TAB2: variants seen among roughly 807,000 people sequenced by gnomAD.
TAB2 encodes TGF-beta-activated kinase 1 and MAP3K7-binding protein 2.
In TAB2, 3 loss-of-function variants were observed where a neutral mutation model predicts 65.0. The observed-to-expected ratio is 0.05, with a 90% confidence interval of 0.02 to 0.12. TAB2 has a LOEUF of 0.12. Ranked by LOEUF, TAB2 falls within the 10% of genes least tolerant of loss-of-function variation. The pLI is 1.00. For missense variants in TAB2, 623 were observed against 840.3 expected (o/e 0.74, Z 3.20); for synonymous variants, 298 against 285.1 (o/e 1.05, Z -0.46).
At chr6:149,396,577 G>C (rs1040021638) in intron 3 of TAB2, among the ~76,000 whole-genome samples, 10 of 152,178 alleles carry the variant, frequency 6.6e-5, no homozygotes, top group Non-Finnish European at 1.0e-4. Context: ...TTTATAAAAA[G>C]TAGATTCAAG....
intron 1 of TAB2, among the ~76,000 whole-genome samples, chr6:149,309,755 A>C (rs1443827970): frequency 1.3e-5 from 2 of 152,032 alleles, no homozygotes; most frequent in African/African-American, 4.8e-5. Context: ...TGATTTCATT[A>C]ATTTTGATAT....
Position 149,331,749 on chromosome 6 carries a change from A to G in TAB2, c.-90+13734A>G, listed in dbSNP as rs116392239. ...TGTTTTTATCATGAGTAGGTCTTCA[A>G]TTTTGTCAAATGCTTTTTTCTACAT... On this transcript the variant is annotated intron_variant, in intron 1 of 6. Transcript: ENST00000637181. Among the ~76,000 whole-genome samples the G allele has an allele frequency of 7.1e-3, 1,087 of 152,248 alleles. 9 individuals carry two copies. Among genetic ancestry groups the G allele is most frequent in the African/African-American group, 0.024 (1,009 of 41,550 alleles).
intron 1 of TAB2, among the ~76,000 whole-genome samples, chr6:149,319,139 A>G (rs954463436): frequency 6.6e-6 from 1 of 152,216 alleles, no homozygotes; most frequent in Non-Finnish European, 1.5e-5. Context: ...TTCACATTTT[A>G]GAAAAGGAAT....
chr6:149,377,196 G>A lies in TAB2; in HGVS notation c.103-822G>A, dbSNP rs373093370. Among the ~76,000 whole-genome samples, 49 of 150,720 alleles carry A rather than the reference G, an allele frequency of 3.3e-4. 1 individual carries two copies. Among genetic ancestry groups the A allele is most frequent in the Admixed American group, 2.4e-3 (36 of 15,108 alleles). ...GCCATTCTCCTGCCTCAGCCTCTCC[G>A]AGTAGCTGGGACTACAGGCGCCCGC... is the stretch of plus-strand genomic sequence containing the variant. On this transcript the variant is annotated intron_variant, in intron 2 of 6. Transcript: ENST00000637181.
At chr6:149,357,402 G>A (rs1196168204) in intron 1 of TAB2, among the ~76,000 whole-genome samples, 1 of 102,250 alleles carries the variant, frequency 9.8e-6, no homozygotes, top group Non-Finnish European at 2.0e-5. Context: ...GGCAATAGAG[G>A]GAGACTCCGT....
intron 1 of TAB2, among the ~76,000 whole-genome samples, chr6:149,283,541 C>G (rs2114687664): frequency 6.6e-6 from 1 of 152,128 alleles, no homozygotes; most frequent in African/African-American, 2.4e-5. Flanking sequence ...GAAACCCCGT[C>G]TCTACTAAAA....
At chr6:149,275,849 T>G (rs1232021787) in intron 1 of TAB2, among the ~76,000 whole-genome samples, 1 of 152,184 alleles carries the variant, frequency 6.6e-6, no homozygotes, top group East Asian at 1.9e-4. Flanking sequence ...CAGTGGGACG[T>G]TTCCAAAATA....
chr6:149,328,458 A>G (rs538069150), intron 1 of TAB2, among the ~76,000 whole-genome samples: 2 of 152,234 alleles, frequency 1.3e-5, no homozygotes, highest in East Asian at 1.9e-4. Context: ...ACGCCTGGCT[A>G]ATTTTTTGTG....
chr6:149,253,507 T>C (rs1336837207), intron 1 of TAB2, among the ~76,000 whole-genome samples: 1 of 150,392 alleles, frequency 6.6e-6, no homozygotes, highest in Non-Finnish European at 1.5e-5. Context: ...GGCACAAGCC[T>C]GTAATCCCAG....
At chr6:149,249,931 A>T (rs1198905862) in intron 1 of TAB2, among the ~76,000 whole-genome samples, 2 of 152,234 alleles carry the variant, frequency 1.3e-5, no homozygotes, top group African/African-American at 4.8e-5. Flanking sequence ...AGCAGAAAGC[A>T]ATCATTTCTG....
intron 1 of TAB2, among the ~76,000 whole-genome samples, chr6:149,358,271 A>T (rs1780732631): frequency 1.3e-5 from 2 of 152,224 alleles, no homozygotes; most frequent in Non-Finnish European, 2.9e-5. Flanking sequence ...TTTATATTTC[A>T]TATCCACCTT....
intron 1 of TAB2, among the ~76,000 whole-genome samples, chr6:149,368,462 C>T (rs1359251166): frequency 6.6e-6 from 1 of 151,836 alleles, no homozygotes; most frequent in Non-Finnish European, 1.5e-5. Flanking sequence ...GGAGTTTTAG[C>T]CCAAAATTGG....
intron 2 of TAB2, chr6:149,372,361 A>G (rs1487133405): frequency 1.3e-5 from 2 of 152,200 alleles, no homozygotes; most frequent in Non-Finnish European, 2.9e-5. Flanking sequence ...CAAAATTAAT[A>G]AAAGATGTTT....
chr6:149,324,980 A>G (rs1259514265), intron 1 of TAB2, among the ~76,000 whole-genome samples: 3 of 152,058 alleles, frequency 2.0e-5, no homozygotes, highest in African/African-American at 4.8e-5. Context: ...AAAATTTTTT[A>G]TAGAGACAGG....
chr6:149,378,467 T>C lies in TAB2; in HGVS notation c.552T>C (p.Asn184=), dbSNP rs1453445568. Reference sequence around the variant, plus strand: ...CCATTATGGTAACTTTAGCCCCAAATATCCAGACTGGTCGTAATACTCCTA... The same window carrying C: ...CCATTATGGTAACTTTAGCCCCAAACATCCAGACTGGTCGTAATACTCCTA... ...FNPIMVTLAP[N]IQTGRNTPTS... Residue 184 remains asparagine, a synonymous_variant, in exon 3 of 7, where the codon AAT becomes AAC. Transcript: ENST00000637181. 1 of 1,614,092 alleles carries C rather than the reference T, an allele frequency of 6.2e-7. No individual in the cohort carries two copies. The highest frequency in any genetic ancestry group is 1.3e-5 in the African/African-American group (1 of 74,932).
intron 1 of TAB2, among the ~76,000 whole-genome samples, chr6:149,266,376 T>C (rs917842554): frequency 6.6e-6 from 1 of 152,170 alleles, no homozygotes; most frequent in Non-Finnish European, 1.5e-5. Context: ...TGTCCCTTAG[T>C]AGACATGAAT....
chr6:149,288,665 A>T (rs116205554), intron 1 of TAB2, among the ~76,000 whole-genome samples: 3 of 152,170 alleles, frequency 2.0e-5, no homozygotes, highest in Non-Finnish European at 4.4e-5. Flanking sequence ...AATACACTTT[A>T]TAAGTACTAA....
chr6:149,347,686 ACAT>A (rs909012931), intron 1 of TAB2, among the ~76,000 whole-genome samples: 27 of 152,266 alleles, frequency 1.8e-4, no homozygotes, highest in Non-Finnish European at 2.9e-4. Flanking sequence ...TAGAATTGTA[ACAT>A]CATGCTCCAA....
chr6:149,292,590 A>G (rs1388949875), intron 1 of TAB2, among the ~76,000 whole-genome samples: 1 of 152,240 alleles, frequency 6.6e-6, no homozygotes, highest in Non-Finnish European at 1.5e-5. Flanking sequence ...TTTTGAAAAA[A>G]CACTGAACTA....
Sources: allele counts gnomAD v4.1 joint callset (sites outside exome capture counted in the v4.1 genomes callset), GRCh38; gene constraint gnomAD v4.1.1; transcripts MANE v1.5; gene names NCBI Gene and HGNC (gene_info 2026-07-23, HGNC 2026-07-21).